The following GRIN2A variants were observed in gnomAD, a reference collection of about 807,000 sequenced individuals.
GRIN2A encodes the protein glutamate receptor ionotropic, NMDA 2A.
A neutral mutation model predicts 113.4 loss-of-function variants in GRIN2A; 22 were observed. That is an observed-to-expected ratio of 0.19 (90% CI 0.14 to 0.28). The LOEUF is 0.28. Ranked by LOEUF, GRIN2A falls within the 10% of genes least tolerant of loss-of-function variation. The pLI, the probability that GRIN2A is intolerant of heterozygous loss-of-function variation, is 1.00. For synonymous variants in GRIN2A, 827 were observed against 738.4 expected, an observed-to-expected ratio of 1.12 and a Z score of -1.94; for missense variants, 1,502 against 1,887.0, an observed-to-expected ratio of 0.80 and a Z score of 3.78.
intron 2 of GRIN2A, among the ~76,000 whole-genome samples, chr16:10,130,943 G>A (rs955854417): frequency 2.0e-5 from 3 of 152,204 alleles, no homozygotes; most frequent in African/African-American, 7.2e-5. Context: ...GGGGACTGAG[G>A]ACTAAGAGGG....
chr16:10,178,740 T>A (rs1218439506), intron 2 of GRIN2A, among the ~76,000 whole-genome samples: 2 of 152,220 alleles, frequency 1.3e-5, no homozygotes, highest in African/African-American at 4.8e-5. Context: ...CCAAAGGAGC[T>A]GGTAGGAATC....
chr16:10,108,101 T>C (rs2048532367), intron 2 of GRIN2A, among the ~76,000 whole-genome samples: 1 of 152,202 alleles, frequency 6.6e-6, no homozygotes, highest in Non-Finnish European at 1.5e-5. Context: ...TTGAGTGTAT[T>C]AGTCCATTTT....
intron 2 of GRIN2A, among the ~76,000 whole-genome samples, chr16:10,079,317 G>T (rs2047936304): frequency 6.6e-6 from 1 of 152,210 alleles, no homozygotes; most frequent in South Asian, 2.1e-4. Flanking sequence ...TGACTGGGTA[G>T]TCAGGGAAGG....
intron 2 of GRIN2A, among the ~76,000 whole-genome samples, chr16:9,991,917 G>C (rs979496243): frequency 2.0e-5 from 3 of 152,126 alleles, no homozygotes; most frequent in African/African-American, 7.2e-5. Flanking sequence ...GTGGGCAAGG[G>C]GAGGGATAGC....
chr16:10,021,956 C>T (rs1054072805), intron 2 of GRIN2A, among the ~76,000 whole-genome samples: 1 of 152,170 alleles, frequency 6.6e-6, no homozygotes, highest in African/African-American at 2.4e-5. Flanking sequence ...CTCTGAGCCT[C>T]AGTTTTCTCA....
At chr16:9,866,349 A>T (rs2043160019) in intron 4 of GRIN2A, among the ~76,000 whole-genome samples, 1 of 152,152 alleles carries the variant, frequency 6.6e-6, no homozygotes, top group African/African-American at 2.4e-5. Flanking sequence ...GATGTGTAGG[A>T]TCAGAGAACA....
intron 2 of GRIN2A, among the ~76,000 whole-genome samples, chr16:10,038,558 T>TGC (rs1359993026): frequency 6.6e-6 from 1 of 151,824 alleles, no homozygotes; most frequent in Non-Finnish European, 1.5e-5. Flanking sequence ...ACCTAGATAT[T>TGC]GCCGGCCAGG....
intron 2 of GRIN2A, among the ~76,000 whole-genome samples, chr16:10,077,865 C>G (rs1266633999): frequency 6.6e-6 from 1 of 152,118 alleles, no homozygotes; most frequent in African/African-American, 2.4e-5. Context: ...TTTGGTGATA[C>G]CTTCCGTGGC....
chr16:9,979,811 A>ATATATATATATATATATATG (rs2045855687), intron 2 of GRIN2A, among the ~76,000 whole-genome samples: 2 of 142,386 alleles, frequency 1.4e-5, no homozygotes, highest in South Asian at 4.7e-4. Flanking sequence ...ATATATATAT[A>ATATATATATATATATATATG]TGTATATGTA....
At chr16:10,032,288 C>T (rs543634578) in intron 2 of GRIN2A, among the ~76,000 whole-genome samples, 1 of 152,194 alleles carries the variant, frequency 6.6e-6, no homozygotes, top group African/African-American at 2.4e-5. Context: ...ACATGGGAGA[C>T]TTCAATGACA....
intron 2 of GRIN2A, among the ~76,000 whole-genome samples, chr16:10,046,925 C>G (rs932146110): frequency 6.6e-6 from 1 of 152,116 alleles, no homozygotes; most frequent in Admixed American, 6.5e-5. Context: ...GTTGCTCTAC[C>G]TTAGTGCTGT....
intron 2 of GRIN2A, among the ~76,000 whole-genome samples, chr16:9,988,247 T>C (rs1389963956): frequency 6.7e-6 from 1 of 149,668 alleles, no homozygotes; most frequent in Non-Finnish European, 1.5e-5. Flanking sequence ...TCCTGAACAC[T>C]GAAGGAAAGA....
chr16:9,867,264 C>G (rs2043176088), intron 4 of GRIN2A, among the ~76,000 whole-genome samples: 1 of 152,182 alleles, frequency 6.6e-6, no homozygotes, highest in Non-Finnish European at 1.5e-5. Flanking sequence ...AGGACTCCCT[C>G]TCTGGCTAAA....
intron 8 of GRIN2A, among the ~76,000 whole-genome samples, chr16:9,833,436 T>A (rs909435087): frequency 6.6e-6 from 1 of 152,070 alleles, no homozygotes; most frequent in Non-Finnish European, 1.5e-5. Flanking sequence ...TTTTATAAAG[T>A]CATTTTCTTT....
At chr16:9,981,283 T>A (rs142375503) in intron 2 of GRIN2A, among the ~76,000 whole-genome samples, 1 of 152,234 alleles carries the variant, frequency 6.6e-6, no homozygotes, top group African/African-American at 2.4e-5. Context: ...CTCAAGGTAA[T>A]TGGGCTGGTA....
intron 2 of GRIN2A, among the ~76,000 whole-genome samples, chr16:10,156,706 T>C (rs2142311148): frequency 6.6e-6 from 1 of 152,306 alleles, no homozygotes; most frequent in East Asian, 1.9e-4. Flanking sequence ...ACTTGACACT[T>C]AAAACTTAAA....
intron 3 of GRIN2A, among the ~76,000 whole-genome samples, chr16:9,919,530 T>C (rs908153569): frequency 1.3e-5 from 2 of 151,938 alleles, no homozygotes; most frequent in African/African-American, 2.4e-5. Flanking sequence ...AGAAGAGAAA[T>C]GGAATCTGGA....
intron 2 of GRIN2A, among the ~76,000 whole-genome samples, chr16:9,954,700 G>A (rs771714002): frequency 1.3e-5 from 2 of 152,132 alleles, no homozygotes; most frequent in East Asian, 3.9e-4. Flanking sequence ...GGTACCCCTG[G>A]CTTAAAACAA....
At chr16:9,807,311 G>GGA (rs2041996344) in intron 10 of GRIN2A, among the ~76,000 whole-genome samples, 1 of 28,606 alleles carries the variant, frequency 3.5e-5, no homozygotes, top group Non-Finnish European at 6.9e-5. Flanking sequence ...GGAGGGAGAG[G>GGA]GGGAAAAAGT....
Sources: allele counts gnomAD v4.1 joint callset (sites outside exome capture counted in the v4.1 genomes callset), GRCh38; gene constraint gnomAD v4.1.1; transcripts MANE v1.5; gene names NCBI Gene and HGNC (gene_info 2026-07-23, HGNC 2026-07-21).